Variants in RPS6KA2 observed in about 807,000 individuals in gnomAD.
RPS6KA2 encodes ribosomal protein S6 kinase alpha-2.
A neutral mutation model predicts 91.8 loss-of-function variants in RPS6KA2; 42 were observed. The observed-to-expected ratio is 0.46, with a 90% CI of 0.36 to 0.59. The LOEUF is 0.59. RPS6KA2 is among the 20% of genes least tolerant of loss of function. The probability of loss-of-function intolerance (pLI) is 0.00; values close to 1 mark genes in which losing one functional copy is unlikely to be tolerated. For synonymous variants in RPS6KA2, 414 were observed against 393.6 expected (o/e 1.05, Z -0.61); for missense variants, 798 against 978.5 (o/e 0.82, Z 2.46).
chr6:166,646,214 C>T (rs59318162), intron 2 of RPS6KA2, among the ~76,000 whole-genome samples: 29,061 of 152,008 alleles, frequency 0.19, 3,266 homozygotes, highest in African/African-American at 0.31. Context: ...TCTCAGATCA[C>T]GTGGAATCTC....
chr6:166,497,046 A>T (rs1583207194), intron 8 of RPS6KA2, among the ~76,000 whole-genome samples: 1 of 152,088 alleles, frequency 6.6e-6, no homozygotes, highest in Non-Finnish European at 1.5e-5. Flanking sequence ...GGCAGAAATC[A>T]CCTCCAAGAC....
chr6:166,807,381 CAT>C (rs1033908706), intron 2 of RPS6KA2, among the ~76,000 whole-genome samples: 3 of 152,296 alleles, frequency 2.0e-5, no homozygotes, highest in Middle Eastern at 3.4e-3. Context: ...TATACCCACA[CAT>C]GTGTTCTTTT....
chr6:166,699,719 T>C (rs1210287108), intron 2 of RPS6KA2, among the ~76,000 whole-genome samples: 5 of 152,250 alleles, frequency 3.3e-5, no homozygotes, highest in Non-Finnish European at 4.4e-5. Flanking sequence ...AAAGGTCATA[T>C]GTTTTCACAG....
chr6:166,683,409 A>C (rs924689777), intron 2 of RPS6KA2, among the ~76,000 whole-genome samples: 3 of 152,260 alleles, frequency 2.0e-5, no homozygotes, highest in African/African-American at 7.2e-5. Flanking sequence ...CCCATGATCA[A>C]TTATAATCTA....
At chr6:166,756,787 G>T (rs1778022844) in intron 2 of RPS6KA2, among the ~76,000 whole-genome samples, 1 of 151,954 alleles carries the variant, frequency 6.6e-6, no homozygotes. Flanking sequence ...CGGAGGTTGT[G>T]GTGAGCCGAG....
At position 166,732,722 on chromosome 6, in the gene RPS6KA2, G is replaced by A. The variant is rs941696706; in HGVS notation, c.123+125478C>T. On this transcript the variant is annotated intron_variant, in intron 2 of 21. Coordinates refer to the RPS6KA2 transcript ENST00000503859. This position sits in a 1 kb window ranked among gnomAD's most constrained non-coding sequence, Gnocchi z 4.0. ...AGATGATGTTAGGTGCAGAGATGGG[G>A]GTGCACCCAGGGCACAGCACAGGGG... Among the ~76,000 whole-genome samples the A allele has an allele frequency of 6.6e-6, 1 of 152,164 alleles. No individual in the cohort carries two copies. Among genetic ancestry groups the A allele is most frequent in the Non-Finnish European group, 1.5e-5 (1 of 68,028 alleles).
chr6:166,585,498 C>CTTTTTTTTTTTTTTT (rs58153048), intron 1 of RPS6KA2, among the ~76,000 whole-genome samples: 4 of 86,304 alleles, frequency 4.6e-5, no homozygotes, highest in African/African-American at 7.0e-5. Context: ...TCAAACAAGT[C>CTTTTTTTTTTTTTTT]TTTTTTTTTT....
At chr6:166,442,499 A>G (rs560734478) in intron 14 of RPS6KA2, among the ~76,000 whole-genome samples, 241 of 152,364 alleles carry the variant, frequency 1.6e-3, no homozygotes, top group African/African-American at 5.7e-3. Flanking sequence ...TGTGAGGATT[A>G]AATGACTTCA....
intron 1 of RPS6KA2, among the ~76,000 whole-genome samples, chr6:166,567,747 A>C (rs768348877): frequency 2.0e-5 from 3 of 152,204 alleles, no homozygotes; most frequent in Non-Finnish European, 4.4e-5. Flanking sequence ...TAAACTGGAA[A>C]ACCTGTTCGG....
chr6:166,594,680 T>C (rs754788632), intron 1 of RPS6KA2, among the ~76,000 whole-genome samples: 79 of 152,324 alleles, frequency 5.2e-4, no homozygotes, highest in Admixed American at 1.4e-3. Flanking sequence ...GCCAGGATGG[T>C]CTCGATCTCC....
chr6:166,727,283 C>T (rs566003661), intron 2 of RPS6KA2, among the ~76,000 whole-genome samples: 18 of 151,778 alleles, frequency 1.2e-4, no homozygotes, highest in African/African-American at 3.1e-4. Context: ...ATTATTATAT[C>T]GCATCTTATA....
intron 1 of RPS6KA2, chr6:166,586,348 T>G: frequency 6.3e-7 from 1 of 1,599,608 alleles, no homozygotes; most frequent in South Asian, 1.1e-5. Context: ...GCTCTGCTAT[T>G]CCATTCCTCA....
At chr6:166,577,165 A>G (rs1423696626) in intron 1 of RPS6KA2, among the ~76,000 whole-genome samples, 2 of 152,240 alleles carry the variant, frequency 1.3e-5, no homozygotes, top group Non-Finnish European at 2.9e-5. Flanking sequence ...CTGGATGCCC[A>G]GGCAAAAGTT....
intron 2 of RPS6KA2, among the ~76,000 whole-genome samples, chr6:166,809,186 A>T (rs906004556): frequency 1.3e-5 from 2 of 152,222 alleles, no homozygotes; most frequent in African/African-American, 4.8e-5. Flanking sequence ...CATTCTTTGT[A>T]GCACTATGTG....
At chr6:166,766,315 G>A (rs956113452) in intron 2 of RPS6KA2, among the ~76,000 whole-genome samples, 1 of 152,062 alleles carries the variant, frequency 6.6e-6, no homozygotes, top group Non-Finnish European at 1.5e-5. Context: ...AGGATAAGCT[G>A]AGCCTTAACT....
At chr6:166,679,855 G>A (rs946578209) in intron 2 of RPS6KA2, among the ~76,000 whole-genome samples, 7 of 152,252 alleles carry the variant, frequency 4.6e-5, no homozygotes, top group Non-Finnish European at 5.9e-5. Context: ...CACTCAGCGC[G>A]GTTGGCCAGC....
intron 1 of RPS6KA2, among the ~76,000 whole-genome samples, chr6:166,565,511 C>A (rs1252571184): frequency 6.6e-6 from 1 of 152,250 alleles, no homozygotes; most frequent in Non-Finnish European, 1.5e-5. Context: ...ACAGTGCCAT[C>A]CACGCTAGGG....
chr6:166,791,361 AAAGC>A (rs1343554851), intron 2 of RPS6KA2, among the ~76,000 whole-genome samples: 6 of 152,150 alleles, frequency 3.9e-5, no homozygotes, highest in Non-Finnish European at 8.8e-5. Flanking sequence ...CCAGATTCAT[AAAGC>A]AAGTCCTGAG....
At position 166,767,470 on chromosome 6, in the gene RPS6KA2, A is replaced by C. The variant is rs1257734913; in HGVS notation, c.123+90730T>G. 6.6e-6 allele frequency among the ~76,000 whole-genome samples: 1 copy of C among 152,168 alleles called. No individual in the cohort carries two copies. The highest frequency in any genetic ancestry group is 6.5e-5 in the Admixed American group (1 of 15,276). ...AGAGAAGCCAGCTCGCGCTCCCTTC[A>C]GGATCCTACTTGGAAAATTAATTTT... is the stretch of plus-strand genomic sequence containing the variant. On this transcript the variant is annotated intron_variant, in intron 2 of 21. Transcript: ENST00000503859. This position sits in a 1 kb window ranked among gnomAD's most constrained non-coding sequence, Gnocchi z 4.6.
Sources: allele counts gnomAD v4.1 joint callset (sites outside exome capture counted in the v4.1 genomes callset), GRCh38; gene constraint gnomAD v4.1.1; non-coding constraint Gnocchi (gnomAD v3.1); transcripts MANE v1.5; gene names NCBI Gene and HGNC (gene_info 2026-07-23, HGNC 2026-07-21).